RYR2: variants seen among roughly 807,000 people sequenced by gnomAD.
RYR2 encodes the protein cardiac muscle ryanodine receptor-calcium release channel.
A neutral mutation model predicts 601.1 loss-of-function variants in RYR2; 227 were observed. The ratio of observed to expected loss-of-function variants is 0.38; its 90% CI spans 0.34 to 0.42. The LOEUF is 0.42. Among genes scored for constraint, RYR2 ranks in the 10% least tolerant of loss-of-function variants. The probability of loss-of-function intolerance (pLI) is 1.00; values close to 1 mark genes in which losing one functional copy is unlikely to be tolerated. For synonymous variants in RYR2, 2,223 were observed against 2,175.1 expected, an observed-to-expected ratio of 1.02 and a Z score of -0.61; for missense variants, 4,646 against 6,156.5, an observed-to-expected ratio of 0.75 and a Z score of 8.21.
intron 63 of RYR2, among the ~76,000 whole-genome samples, chr1:237,693,804 C>T (rs1448386768): frequency 2.0e-5 from 3 of 152,146 alleles, no homozygotes; most frequent in Non-Finnish European, 4.4e-5. Flanking sequence ...AGCCTATCAA[C>T]TCTTATTTCT....
chr1:237,511,846 A>AAC, intron 24 of RYR2, 55 bp downstream of exon 24: 6 of 1,004,940 alleles, frequency 6.0e-6, no homozygotes, highest in South Asian at 3.6e-5. Flanking sequence ...AAAAAAAAAA[A>AAC]AAAAAAAAAA....
Position 237,055,695 on chromosome 1 carries a change from G to A in RYR2, c.48+13126G>A, listed in dbSNP as rs570573038. Among the ~76,000 whole-genome samples the A allele has an allele frequency of 7.2e-5, 11 of 152,300 alleles. No homozygotes were observed. The South Asian group carries it at 2.3e-3, about 32-fold the overall frequency. On this transcript the variant is annotated intron_variant, in intron 1 of 104. Coordinates refer to ENST00000366574, the MANE Select transcript of RYR2 (RefSeq NM_001035.3). ...TTTGGATGTATTTATTTTGAGATAT[G>A]TTATGGACTGAATTATGGCTCCCTA...
At chr1:237,692,894 C>T (rs544103687) in intron 63 of RYR2, among the ~76,000 whole-genome samples, 3 of 152,154 alleles carry the variant, frequency 2.0e-5, no homozygotes, top group African/African-American at 4.8e-5. Context: ...TCTCTTCTCT[C>T]GCATAAACTC....
intron 14 of RYR2, among the ~76,000 whole-genome samples, chr1:237,453,129 A>G: frequency 6.6e-6 from 1 of 152,062 alleles, no homozygotes; most frequent in Non-Finnish European, 1.5e-5. Context: ...GTTTAGAAAA[A>G]TACTTCACTG....
chr1:237,379,507 A>G (rs1028300964), intron 8 of RYR2, among the ~76,000 whole-genome samples: 6 of 152,240 alleles, frequency 3.9e-5, no homozygotes, highest in South Asian at 4.1e-4. Context: ...AAAAAGCACT[A>G]CACAAGTGAA....
At chr1:237,324,564 GT>G (rs1695962435) in intron 2 of RYR2, among the ~76,000 whole-genome samples, 4 of 152,086 alleles carry the variant, frequency 2.6e-5, no homozygotes, top group Admixed American at 2.6e-4. Flanking sequence ...CTGATTTAGG[GT>G]TTTCTTAAAT....
chr1:237,320,471 G>T (rs982820912), intron 2 of RYR2, among the ~76,000 whole-genome samples: 1 of 152,062 alleles, frequency 6.6e-6, no homozygotes, highest in African/African-American at 2.4e-5. Context: ...TGTTCCATTA[G>T]CTTCAACTAT....
chr1:237,655,344 T>C (rs1683141091), intron 52 of RYR2, among the ~76,000 whole-genome samples: 1 of 152,206 alleles, frequency 6.6e-6, no homozygotes, highest in Admixed American at 6.5e-5. Flanking sequence ...ATAGAATTTC[T>C]TTTCCAGCTC....
At chr1:237,354,171 A>G (rs952006654) in intron 3 of RYR2, among the ~76,000 whole-genome samples, 1 of 152,074 alleles carries the variant, frequency 6.6e-6, no homozygotes, top group Non-Finnish European at 1.5e-5. Flanking sequence ...GGGTATTTGG[A>G]TATTCTGTTT....
intron 27 of RYR2, among the ~76,000 whole-genome samples, chr1:237,559,562 T>C (rs1671248993): frequency 6.6e-6 from 1 of 152,200 alleles, no homozygotes; most frequent in African/African-American, 2.4e-5. Context: ...TTTTATTTAG[T>C]TCATTACACA....
intron 61 of RYR2, among the ~76,000 whole-genome samples, chr1:237,678,496 C>A (rs184608471): frequency 6.6e-6 from 1 of 152,250 alleles, no homozygotes; most frequent in Admixed American, 6.5e-5. Flanking sequence ...CATAAATAGG[C>A]ACATTATAAG....
intron 92 of RYR2, among the ~76,000 whole-genome samples, chr1:237,790,739 A>G (rs910037084): frequency 6.6e-6 from 1 of 152,164 alleles, no homozygotes; most frequent in Non-Finnish European, 1.5e-5. Context: ...GAAAAGATTA[A>G]GTCATTTGTC....
intron 11 of RYR2, among the ~76,000 whole-genome samples, chr1:237,418,787 T>C (rs912834421): frequency 6.6e-6 from 1 of 152,054 alleles, no homozygotes; most frequent in Non-Finnish European, 1.5e-5. Flanking sequence ...AAAAAGCTCT[T>C]CTATATTGTC....
intron 1 of RYR2, among the ~76,000 whole-genome samples, chr1:237,174,030 C>T (rs1186098545): frequency 6.6e-6 from 1 of 150,552 alleles, no homozygotes; most frequent in Non-Finnish European, 1.5e-5. Context: ...GCACTCCAGC[C>T]TGGGCGACAG....
At chr1:237,469,244 C>T (rs1256797864) in intron 17 of RYR2, 57 bp downstream of exon 17, 34 of 405,412 alleles carry the variant, frequency 8.4e-5, no homozygotes, top group African/African-American at 3.1e-4. Context: ...TTCTTTGCTT[C>T]GTATCCTTTA....
At chr1:237,410,309 GC>G (rs1704314202) in intron 10 of RYR2, among the ~76,000 whole-genome samples, 1 of 151,924 alleles carries the variant, frequency 6.6e-6, no homozygotes. Context: ...TCTCTTAAGG[GC>G]AAAAAAGATC....
intron 1 of RYR2, among the ~76,000 whole-genome samples, chr1:237,200,021 C>A (rs2149041176): frequency 6.6e-6 from 1 of 152,206 alleles, no homozygotes; most frequent in South Asian, 2.1e-4. Context: ...CAAGTGATAG[C>A]TCATGTCACC....
chr1:237,253,163 C>CAAAAAA (rs33931680), intron 1 of RYR2, among the ~76,000 whole-genome samples: 1 of 109,634 alleles, frequency 9.1e-6, no homozygotes, highest in African/African-American at 3.4e-5. Flanking sequence ...GACTCCGTCT[C>CAAAAAA]AAAAAAAAAA....
intron 6 of RYR2, among the ~76,000 whole-genome samples, chr1:237,370,747 G>A (rs1481053361): frequency 6.8e-5 from 10 of 147,370 alleles, no homozygotes; most frequent in Admixed American, 4.9e-4. Context: ...TGCAAGCTCC[G>A]CCTCCCAGGT....
Sources: allele counts gnomAD v4.1 joint callset (sites outside exome capture counted in the v4.1 genomes callset), GRCh38; gene constraint gnomAD v4.1.1; transcripts MANE v1.5; gene names NCBI Gene and HGNC (gene_info 2026-07-23, HGNC 2026-07-21).